Variants in TROAP observed in about 807,000 individuals in gnomAD.
The protein encoded by TROAP is trophinin associated protein, also known as tastin.
A neutral mutation model predicts 83.4 loss-of-function variants in TROAP; 62 were observed. The ratio of observed to expected loss-of-function variants is 0.74; its 90% CI spans 0.61 to 0.92. TROAP has a LOEUF of 0.92. TROAP is among the 40% of genes least tolerant of loss of function. The pLI, the probability that TROAP is intolerant of heterozygous loss-of-function variation, is 0.00. For missense variants in TROAP, 876 were observed against 985.1 expected, an observed-to-expected ratio of 0.89 and a Z score of 1.48; for synonymous variants, 352 against 386.4, an observed-to-expected ratio of 0.91 and a Z score of 1.04.
intron 4 of TROAP, 43 bp from the exon 5 acceptor site, chr12:49,325,704 G>A: frequency 3.0e-5 from 49 of 1,612,834 alleles, no homozygotes; most frequent in Non-Finnish European, 4.2e-5. Flanking sequence ...GGCACTGAGG[G>A]GGGCATCCTG....
At chr12:49,326,364 T>A (rs1200797052) in intron 6 of TROAP, among the ~76,000 whole-genome samples, 1 of 152,068 alleles carries the variant, frequency 6.6e-6, no homozygotes, top group African/African-American at 2.4e-5. Flanking sequence ...GTGACATCAG[T>A]TTACTCAAGT....
In TROAP at chr12:49,330,352, C is replaced by A; in HGVS notation, c.1507C>A (p.Pro503Thr). The A allele has an allele frequency of 6.2e-7, 1 of 1,614,158 alleles. No individual in the cohort carries two copies. Among genetic ancestry groups the A allele is most frequent in the Non-Finnish European group, 8.5e-7 (1 of 1,179,992 alleles). The part of the protein sequence containing the change: ...GLLKHSGLPK[P>T]CLPEECGEPQ... ...GTTAAAACACTCAGGGCTGCCAAAG[C>A]CCTGTCTTCCAGAGGAGTGCGGGGA... The change falls in exon 13 of 15, where the codon CCC becomes ACC. Residue 503 changes from proline (P) to threonine (T), a missense_variant. By Grantham distance (38) the Pro-to-Thr change is conservative. Transcript: ENST00000257909.
In TROAP at chr12:49,329,167, T is replaced by C. The variant is rs1293354492; in HGVS notation, c.1027T>C (p.Tyr343His). The change falls in exon 10 of 15, where the codon TAT becomes CAT. Residue 343 changes from tyrosine (Y) to histidine (H), a missense_variant. Around this residue, in one of 3 missense-constraint regions of TROAP, gnomAD observed 689 missense variants for 722.6 expected, o/e 0.95. Coordinates refer to ENST00000257909, the MANE Select transcript of TROAP (RefSeq NM_005480.4). This position sits in a 1 kb window ranked among gnomAD's most constrained non-coding sequence, Gnocchi z 4.5. ...CACCCACATCTCTCCCCAGACCTCA[T>C]ATTCAGTGTTGCGGCGTCTCACCGT... ...PSPGPPTLTS[Y>H]SVLRRLTVQP... 3.1e-6 allele frequency: 5 copies of C among 1,613,984 alleles called. No homozygotes were observed. In the African/African-American group the frequency reaches 5.3e-5, roughly 17 times the overall value.
Position 49,329,424 on chromosome 12 carries a change from G to T in TROAP, c.1134G>T (p.Gln378His), listed in dbSNP as rs1178631050. 6.2e-7 allele frequency: 1 copy of T among 1,612,272 alleles called. No homozygotes were observed. Among genetic ancestry groups the T allele is most frequent in the Non-Finnish European group, 8.5e-7 (1 of 1,178,898 alleles). ...AGTGGCTGCGTGGTGTCTCCCCTCA[G>T]TCCTGCTCTGAAGATCCTGCCCTGC... ...QAQWLRGVSP[Q>H]SCSEDPALPW... The change falls in exon 11 of 15, where the codon CAG becomes CAT. Residue 378 changes from glutamine to histidine, a missense_variant. Physicochemically the swap from Gln to His is conservative, Grantham distance 24. Around this residue, in one of 3 missense-constraint regions of TROAP, gnomAD observed 689 missense variants for 722.6 expected, o/e 0.95. Coordinates refer to ENST00000257909, the MANE Select transcript of TROAP (RefSeq NM_005480.4). The surrounding 1 kb of genome is among the most constrained non-coding windows in gnomAD (Gnocchi z 4.5).
Position 49,326,170 on chromosome 12 carries a change from G to C in TROAP, c.716+12G>C. ...GCTGGCAGCAGCCGGTGAGAAAGGA[G>C]AGGGTGTGGGAGAAGGTCATCTGGA... On this transcript the variant is annotated intron_variant, in intron 6 of 14. Transcript: ENST00000257909. The C allele has an allele frequency of 1.2e-6, 2 of 1,612,972 alleles. No individual in the cohort carries two copies. Among genetic ancestry groups the C allele is most frequent in the African/African-American group, 1.3e-5 (1 of 75,012 alleles).
chr12:49,323,515 G>A (rs1592308093), intron 1 of TROAP, 89 bp from the exon 2 acceptor site: 4 of 1,526,896 alleles, frequency 2.6e-6, no homozygotes, highest in Non-Finnish European at 3.5e-6. Flanking sequence ...TTAGGGCGGA[G>A]GTATCAGGGA....
In TROAP at chr12:49,327,315, A is replaced by T; in HGVS notation, c.876A>T (p.Glu292Asp). Residue 292 changes from glutamate to aspartate, a missense_variant, in exon 8 of 15, where the codon GAA (glutamate) becomes GAT (aspartate). Transcript: ENST00000257909. ...AQRVPLRENREMSHTRDSHDS... is the reference protein window; with the variant it reads ...AQRVPLRENRDMSHTRDSHDS... ...GAGTACCATTAAGAGAAAACCGAGA[A>T]ATGTCACATACCAGGGTGAGATGCG... 1 of 1,613,966 alleles carries T rather than the reference A, an allele frequency of 6.2e-7. No individual in the cohort carries two copies. Among genetic ancestry groups the T allele is most frequent in the Non-Finnish European group, 8.5e-7 (1 of 1,179,916 alleles).
At chr12:49,324,343 T>TA in intron 3 of TROAP, 1 of 597,362 alleles carries the variant, frequency 1.7e-6, no homozygotes, top group Non-Finnish European at 2.9e-6. Context: ...CCCATCTCTT[T>TA]AAAAAATAAA....
Position 49,325,503 on chromosome 12 carries a change from G to T in TROAP, c.340G>T (p.Ala114Ser), listed in dbSNP as rs375336971. 1.9e-6 allele frequency: 3 copies of T among 1,612,586 alleles called. No homozygotes were observed. In the African/African-American group the frequency reaches 4.0e-5, roughly 22 times the overall value. Reference sequence around the variant, plus strand: ...TTCCTTCTCCTCTTTCCTTGCAGAGGCTCCAGGGACCATAGAGTTTGTGGC... The same window carrying T: ...TTCCTTCTCCTCTTTCCTTGCAGAGTCTCCAGGGACCATAGAGTTTGTGGC... ...VGPGPPAQTEAPGTIEFVADP... is the reference protein window; with the variant it reads ...VGPGPPAQTESPGTIEFVADP... The change falls in exon 4 of 15, where the codon GCT (alanine) becomes TCT (serine). Residue 114 changes from alanine (A) to serine (S), a missense_variant and splice_region_variant. By Grantham distance (99) the Ala-to-Ser change is moderately conservative. This residue lies in a region of TROAP where 689 missense variants were observed against 722.6 expected (regional missense o/e 0.95). Coordinates refer to ENST00000257909, the MANE Select transcript of TROAP (RefSeq NM_005480.4).
intron 3 of TROAP, chr12:49,324,309 C>A: frequency 1.0e-6 from 1 of 1,001,166 alleles, no homozygotes; most frequent in Non-Finnish European, 1.6e-6. Context: ...GAGTTGGAGA[C>A]CAGCCTGGAT....
At chr12:49,324,185 C>T (rs892543647) in intron 3 of TROAP, 148 bp downstream of exon 3, 2 of 1,613,996 alleles carry the variant, frequency 1.2e-6, no homozygotes, top group African/African-American at 2.7e-5. Context: ...AAGCTCTTTG[C>T]TCTTAGAAGA....
At position 49,323,834 on chromosome 12, in the gene TROAP, C is replaced by G; in HGVS notation, c.145-11C>G. ...TAAACCTCACCTTTTTGTCCCCGCT[C>G]CCTCCCCTAGAGATGGGTGCAGAAA... On this transcript the variant is annotated splice_polypyrimidine_tract_variant and intron_variant, in intron 2 of 14. Coordinates refer to ENST00000257909, the MANE Select transcript of TROAP (RefSeq NM_005480.4). 3.7e-6 allele frequency: 6 copies of G among 1,613,878 alleles called. No individual in the cohort carries two copies. Among genetic ancestry groups the G allele is most frequent in the Non-Finnish European group, 5.1e-6 (6 of 1,179,936 alleles).
rs766087600 is a variant in TROAP, at chr12:49,323,748, C to T, written c.140C>T (p.Pro47Leu). The change falls in exon 2 of 15, where the codon CCA becomes CTA. Residue 47 changes from proline (P) to leucine (L), a missense_variant. Around this residue, in one of 3 missense-constraint regions of TROAP, gnomAD observed 689 missense variants for 722.6 expected, o/e 0.95. Coordinates refer to ENST00000257909, the MANE Select transcript of TROAP (RefSeq NM_005480.4). ...GCCGTGGACCAGGAGAACCAAGATC[C>T]AAGGGTAAGAGGGGCCTAATGGGGG... ...SCAVDQENQD[P>L]RRWVQKPPLN... 8.1e-6 allele frequency: 13 copies of T among 1,614,102 alleles called. No homozygotes were observed. Among genetic ancestry groups the T allele is most frequent in the Non-Finnish European group, 1.1e-5 (13 of 1,180,010 alleles).
chr12:49,329,467 A>C lies in TROAP; in HGVS notation c.1164+13A>C. On this transcript the variant is annotated intron_variant, in intron 11 of 14. Coordinates refer to ENST00000257909, the MANE Select transcript of TROAP (RefSeq NM_005480.4). This position sits in a 1 kb window ranked among gnomAD's most constrained non-coding sequence, Gnocchi z 4.5. ...TGCCCTGCCCTGGGTAAGTATCAGA[A>C]GCTTCCCCCTACTGAGATCCCTTGC... 2.5e-6 allele frequency: 4 copies of C among 1,603,422 alleles called. No homozygotes were observed. The highest frequency in any genetic ancestry group is 3.4e-6 in the Non-Finnish European group (4 of 1,174,552).
Position 49,330,858 on chromosome 12 carries a change from C to T in TROAP, c.2013C>T (p.Ser671=), listed in dbSNP as rs769239932. Reference sequence around the variant, plus strand: ...GTCAGTGGGCTCCAGCAACCACCAGCCTGATCTTCTCTTCCCAACACCCGC... The same window carrying T: ...GTCAGTGGGCTCCAGCAACCACCAGTCTGATCTTCTCTTCCCAACACCCGC... ...CCSQWAPATT[S]LIFSSQHPLC... is the part of the protein sequence containing the mutation. The change falls in exon 13 of 15, where the codon AGC becomes AGT. Residue 671 remains serine (S), a synonymous_variant. Transcript: ENST00000257909. 1 of 1,613,080 alleles carries T rather than the reference C, an allele frequency of 6.2e-7. No individual in the cohort carries two copies. Among genetic ancestry groups the T allele is most frequent in the East Asian group, 2.2e-5 (1 of 44,888 alleles).
In TROAP at chr12:49,325,568, T is replaced by G. The variant is rs1592310379; in HGVS notation, c.405T>G (p.Gly135=). The change falls in exon 4 of 15, where the codon GGT becomes GGG. Residue 135 remains glycine, a synonymous_variant. Transcript: ENST00000257909. ...AALATILSGE[G]VKSCHLGRQP... ...TGGCCACCATCCTGTCAGGTGAGGG[T>G]GTGAAGAGCTGTCACCTGGGGCGCC... 6.2e-7 allele frequency: 1 copy of G among 1,613,726 alleles called. No individual in the cohort carries two copies. Among genetic ancestry groups the G allele is most frequent in the Non-Finnish European group, 8.5e-7 (1 of 1,179,958 alleles).
chr12:49,329,378 T>A lies in TROAP; in HGVS notation c.1105-17T>A. ...CTGTGGGTGTCAGCCCTTGCTGACA[T>A]CTCACTTCTGTGCCAGGCCCAGTGG... On this transcript the variant is annotated splice_polypyrimidine_tract_variant and intron_variant, in intron 10 of 14. Coordinates refer to ENST00000257909, the MANE Select transcript of TROAP (RefSeq NM_005480.4). This position sits in a 1 kb window ranked among gnomAD's most constrained non-coding sequence, Gnocchi z 4.5. 1 of 1,613,092 alleles carries A rather than the reference T, an allele frequency of 6.2e-7. No individual in the cohort carries two copies. Among genetic ancestry groups the A allele is most frequent in the East Asian group, 2.2e-5 (1 of 44,880 alleles).
rs1861849440 is a variant in TROAP, at chr12:49,331,282, C to T, written c.2167C>T (p.His723Tyr). The T allele has an allele frequency of 1.2e-6, 2 of 1,614,124 alleles. No homozygotes were observed. The highest frequency in any genetic ancestry group is 1.7e-6 in the Non-Finnish European group (2 of 1,180,054). Residue 723 changes from histidine (H) to tyrosine (Y), a missense_variant, in exon 14 of 15, where the codon CAC (histidine) becomes TAC (tyrosine). This residue lies in a region of TROAP where 184 missense variants were observed against 238.3 expected (regional missense o/e 0.77). Coordinates refer to ENST00000257909, the MANE Select transcript of TROAP (RefSeq NM_005480.4). Reference sequence around the variant, plus strand: ...CCTCAAATCGTGTTTAACCGCCATCCACTGCTTCCACGAGGCTCGTCTGGA... The same window carrying T: ...CCTCAAATCGTGTTTAACCGCCATCTACTGCTTCCACGAGGCTCGTCTGGA... ...ERLKSCLTAIHCFHEARLDDE... is the reference protein window; with the variant it reads ...ERLKSCLTAIYCFHEARLDDE...
Position 49,326,056 on chromosome 12 carries a change from C to T in TROAP, c.634-20C>T. On this transcript the variant is annotated intron_variant, in intron 5 of 14. Coordinates refer to ENST00000257909, the MANE Select transcript of TROAP (RefSeq NM_005480.4). ...GGTCCACCTCTGATTCCGTTTTCAT[C>T]TCTTGCTCCTGTGGATCAGATTTCA... 1.2e-6 allele frequency: 2 copies of T among 1,613,026 alleles called. No homozygotes were observed. The highest frequency in any genetic ancestry group is 1.7e-6 in the Non-Finnish European group (2 of 1,179,624).
Sources: allele counts gnomAD v4.1 joint callset (sites outside exome capture counted in the v4.1 genomes callset), GRCh38; gene constraint gnomAD v4.1.1; regional missense constraint gnomAD v4.1.1; non-coding constraint Gnocchi (gnomAD v3.1); transcripts MANE v1.5; gene names NCBI Gene and HGNC (gene_info 2026-07-23, HGNC 2026-07-21).